RPS6KA5: variants seen among roughly 807,000 people sequenced by gnomAD.
The protein encoded by RPS6KA5 is ribosomal protein S6 kinase A5.
In RPS6KA5, 27 loss-of-function variants were observed where a neutral mutation model predicts 85.5. That is an observed-to-expected ratio of 0.32 (90% CI 0.23 to 0.44). RPS6KA5 has a LOEUF of 0.44. Ranked by LOEUF, RPS6KA5 falls within the 20% of genes least tolerant of loss-of-function variation. RPS6KA5 has a pLI of 1.00. For missense variants in RPS6KA5, 811 were observed against 980.9 expected (o/e 0.83, Z 2.31); for synonymous variants, 334 against 348.2 (o/e 0.96, Z 0.46).
chr14:90,885,018 T>A (rs1295849305), intron 14 of RPS6KA5, among the ~76,000 whole-genome samples: 1 of 152,092 alleles, frequency 6.6e-6, no homozygotes, highest in Non-Finnish European at 1.5e-5. Flanking sequence ...TTTGGGAGGC[T>A]GAGATGGGTG....
chr14:90,885,673 C>T (rs1224833454), intron 14 of RPS6KA5, among the ~76,000 whole-genome samples: 3 of 120,138 alleles, frequency 2.5e-5, no homozygotes, highest in East Asian at 2.9e-4. Flanking sequence ...ACCTAGGAGG[C>T]GGAGCTTGCA....
At chr14:91,032,607 A>G (rs1005537726) in intron 1 of RPS6KA5, among the ~76,000 whole-genome samples, 2 of 152,204 alleles carry the variant, frequency 1.3e-5, no homozygotes, top group Non-Finnish European at 2.9e-5. Flanking sequence ...ATCTAGTTGG[A>G]ACATCAGAGA....
chr14:90,929,957 A>G (rs1294814067), intron 5 of RPS6KA5, among the ~76,000 whole-genome samples: 2 of 152,164 alleles, frequency 1.3e-5, no homozygotes, highest in African/African-American at 4.8e-5. Flanking sequence ...TGCAACCTCA[A>G]ATTCCTGGGT....
At chr14:91,044,422 A>G (rs1185422702) in intron 1 of RPS6KA5, among the ~76,000 whole-genome samples, 1 of 126,466 alleles carries the variant, frequency 7.9e-6, no homozygotes, top group Non-Finnish European at 1.7e-5. Context: ...AGAAAGAAAG[A>G]AAGAAAGAAA....
intron 9 of RPS6KA5, among the ~76,000 whole-genome samples, chr14:90,902,096 CCT>C (rs1277548703): frequency 2.6e-5 from 4 of 151,722 alleles, no homozygotes; most frequent in Admixed American, 6.6e-5. Context: ...AAGAGGATCC[CCT>C]GAGCCAAGCA....
At chr14:91,026,907 C>T (rs1360299694) in intron 1 of RPS6KA5, among the ~76,000 whole-genome samples, 1 of 152,186 alleles carries the variant, frequency 6.6e-6, no homozygotes, top group African/African-American at 2.4e-5. Context: ...TGTTTGTTGG[C>T]CACTTGCATG....
At chr14:90,972,235 C>T (rs887321155) in intron 3 of RPS6KA5, among the ~76,000 whole-genome samples, 9 of 151,996 alleles carry the variant, frequency 5.9e-5, no homozygotes, top group African/African-American at 1.9e-4. Context: ...GTTTTTCCCC[C>T]CAAAACCAGA....
intron 7 of RPS6KA5, among the ~76,000 whole-genome samples, chr14:90,909,902 G>C (rs1034572586): frequency 1.3e-5 from 2 of 151,962 alleles, no homozygotes; most frequent in Non-Finnish European, 2.9e-5. Context: ...CAGCTTCCCG[G>C]GTAGCTGGGA....
chr14:91,032,669 A>T (rs1260036916), intron 1 of RPS6KA5, among the ~76,000 whole-genome samples: 1 of 152,212 alleles, frequency 6.6e-6, no homozygotes, highest in Non-Finnish European at 1.5e-5. Flanking sequence ...GAGTTTTAAC[A>T]GGAATATATA....
intron 1 of RPS6KA5, among the ~76,000 whole-genome samples, chr14:91,049,801 A>G (rs2043001208): frequency 6.6e-6 from 1 of 152,224 alleles, no homozygotes; most frequent in South Asian, 2.1e-4. Flanking sequence ...AGGTTACTAC[A>G]CACCTGGTAT....
chr14:91,020,998 A>G (rs1387629224), intron 1 of RPS6KA5, among the ~76,000 whole-genome samples: 2 of 152,184 alleles, frequency 1.3e-5, no homozygotes, highest in Non-Finnish European at 2.9e-5. Context: ...TCTGTCCCTC[A>G]TTAATGACAT....
intron 5 of RPS6KA5, 152 bp downstream of exon 5, chr14:90,942,926 T>C (rs74506819): frequency 0.024 from 15,103 of 622,130 alleles, 721 homozygotes; most frequent in South Asian, 0.11. Flanking sequence ...CATACGAATT[T>C]TAAACTAAAA....
In RPS6KA5 at chr14:90,987,284, G is replaced by A. The variant is rs527751150; in HGVS notation, c.176-8760C>T. Among the ~76,000 whole-genome samples, 253 of 152,226 alleles carry A rather than the reference G, an allele frequency of 1.7e-3. 1 individual carries two copies. Among genetic ancestry groups the A allele is most frequent in the Non-Finnish European group, 3.0e-3 (207 of 68,002 alleles). Reference sequence around the variant, plus strand: ...TTCCAAACACTTAAAAGAATAAAATGACAAATGATGACTAAGTCATCATAC... The same window carrying A: ...TTCCAAACACTTAAAAGAATAAAATAACAAATGATGACTAAGTCATCATAC... On this transcript the variant is annotated intron_variant, in intron 2 of 16. Coordinates refer to ENST00000614987, the MANE Select transcript of RPS6KA5 (RefSeq NM_004755.4).
chr14:91,004,633 A>C (rs930965079), intron 1 of RPS6KA5, among the ~76,000 whole-genome samples: 1 of 152,142 alleles, frequency 6.6e-6, no homozygotes, highest in African/African-American at 2.4e-5. Context: ...GAATTTTGGT[A>C]ATTTTACATA....
intron 1 of RPS6KA5, among the ~76,000 whole-genome samples, chr14:91,003,334 A>G (rs961523673): frequency 1.3e-5 from 2 of 152,202 alleles, no homozygotes; most frequent in Non-Finnish European, 2.9e-5. Flanking sequence ...TTTGATACAC[A>G]GAATTAACTT....
At chr14:90,954,504 C>T (rs1349653959) in intron 3 of RPS6KA5, among the ~76,000 whole-genome samples, 1 of 152,190 alleles carries the variant, frequency 6.6e-6, no homozygotes, top group Non-Finnish European at 1.5e-5. Flanking sequence ...ACCTCCGCCT[C>T]CCGGGTTCAA....
chr14:90,962,689 C>T (rs922305327), intron 3 of RPS6KA5, among the ~76,000 whole-genome samples: 2 of 151,910 alleles, frequency 1.3e-5, no homozygotes, highest in African/African-American at 2.4e-5. Flanking sequence ...GTACCTTTAA[C>T]GTAGTACAAA....
At chr14:91,013,055 C>T (rs184257332) in intron 1 of RPS6KA5, among the ~76,000 whole-genome samples, 14 of 152,286 alleles carry the variant, frequency 9.2e-5, no homozygotes, top group South Asian at 2.1e-4. Flanking sequence ...ACAGGACTCC[C>T]TATCCTTAAG....
At chr14:91,032,056 C>T (rs1008811585) in intron 1 of RPS6KA5, among the ~76,000 whole-genome samples, 1 of 152,160 alleles carries the variant, frequency 6.6e-6, no homozygotes, top group Non-Finnish European at 1.5e-5. Flanking sequence ...TCCACTTAAA[C>T]ACCGTTCTCA....
Sources: gnomAD v4.1 joint callset for allele counts (sites outside exome capture counted in the v4.1 genomes callset) on GRCh38, gnomAD v4.1.1 for gene constraint, MANE v1.5 for transcripts, NCBI Gene and HGNC (gene_info 2026-07-23, HGNC 2026-07-21) for gene names.